Variants in SENP2 observed in about 807,000 individuals in gnomAD.
The protein encoded by SENP2 is SUMO specific peptidase 2.
In SENP2, 16 loss-of-function variants were observed where a neutral mutation model predicts 86.3. The ratio of observed to expected loss-of-function variants is 0.19; its 90% CI spans 0.13 to 0.28. SENP2 has a LOEUF of 0.28. SENP2 is among the 10% of genes least tolerant of loss of function. The probability of loss-of-function intolerance (pLI) is 1.00; values close to 1 mark genes in which losing one functional copy is unlikely to be tolerated. For synonymous variants in SENP2, 222 were observed against 238.7 expected (o/e 0.93, Z 0.64); for missense variants, 552 against 703.0 (o/e 0.79, Z 2.43).
chr3:185,602,824 C>T (rs1357260155), intron 5 of SENP2, among the ~76,000 whole-genome samples: 2 of 104,782 alleles, frequency 1.9e-5, no homozygotes, highest in African/African-American at 8.0e-5. Flanking sequence ...CAGAGTGAGA[C>T]TCTGTCTTAA....
At position 185,626,577 on chromosome 3, in the gene SENP2, A is replaced by C. The variant is rs189512971; in HGVS notation, c.1707+184A>C. On this transcript the variant is annotated intron_variant, in intron 16 of 16. Coordinates refer to ENST00000296257, the MANE Select transcript of SENP2 (RefSeq NM_021627.3). Reference sequence around the variant, plus strand: ...CACCTGAGGTCAGGAGTTCAAGACCAGCCTGGCCAACATGGTGAAACCCCA... The same window carrying C: ...CACCTGAGGTCAGGAGTTCAAGACCCGCCTGGCCAACATGGTGAAACCCCA... 4.5e-3 allele frequency among the ~76,000 whole-genome samples: 679 copies of C among 151,888 alleles called. 5 individuals carry two copies. Among genetic ancestry groups the C allele is most frequent in the African/African-American group, 0.015 (635 of 41,406 alleles).
chr3:185,605,394 C>T (rs1012831073), intron 5 of SENP2, among the ~76,000 whole-genome samples: 2 of 151,904 alleles, frequency 1.3e-5, no homozygotes, highest in Non-Finnish European at 2.9e-5. Flanking sequence ...TAAGGGCATT[C>T]ACTTACATGA....
Position 185,598,458 on chromosome 3 carries a change from C to A in SENP2, c.204C>A (p.Ser68Arg). The change falls in exon 3 of 17, where the codon AGC (serine) becomes AGA (arginine). Residue 68 changes from serine (S) to arginine (R), a missense_variant. By Grantham distance (110) the Ser-to-Arg change is moderately radical. Around this residue, in one of 2 missense-constraint regions of SENP2, gnomAD observed 383 missense variants for 427.3 expected, o/e 0.90. Coordinates refer to ENST00000296257, the MANE Select transcript of SENP2 (RefSeq NM_021627.3). ...AAAACAGTCTCTACAATGCTGCCAG[C>A]TTATTTGGATTCCCATTCCAGCTGA... ...QVKNSLYNAA[S>R]LFGFPFQLTT... 1 of 1,614,092 alleles carries A rather than the reference C, an allele frequency of 6.2e-7. No individual in the cohort carries two copies. Among genetic ancestry groups the A allele is most frequent in the Non-Finnish European group, 8.5e-7 (1 of 1,179,970 alleles).
At position 185,598,402 on chromosome 3, in the gene SENP2, C is replaced by T. The variant is rs1229413345; in HGVS notation, c.158-10C>T. 3 of 1,612,824 alleles carry T rather than the reference C, an allele frequency of 1.9e-6. No individual in the cohort carries two copies. Among genetic ancestry groups the T allele is most frequent in the Admixed American group, 1.7e-5 (1 of 59,996 alleles). ...TTACTTTATATTTACAGTTTGTTGA[C>T]ACTTTCTAGATTGCTTTATTCACCA... On this transcript the variant is annotated splice_polypyrimidine_tract_variant and intron_variant, in intron 2 of 16. Transcript: ENST00000296257.
Position 185,612,646 on chromosome 3 carries a change from G to T in SENP2, c.857G>T (p.Arg286Ile), listed in dbSNP as rs760155252. Residue 286 changes from arginine (R) to isoleucine (I), a missense_variant, in exon 9 of 17, where the codon AGA becomes ATA. Around this residue, in one of 2 missense-constraint regions of SENP2, gnomAD observed 383 missense variants for 427.3 expected, o/e 0.90. Transcript: ENST00000296257. ...ACAAGGGGACCTCTATGTTCATTGA[G>T]AAGTGAAAAGAGGTACGTACATTCA... ...VETRGPLCSL[R>I]SEKRCSKGKI... is the part of the protein sequence containing the mutation. 6.2e-7 allele frequency: 1 copy of T among 1,606,608 alleles called. No homozygotes were observed. Among genetic ancestry groups the T allele is most frequent in the East Asian group, 2.2e-5 (1 of 44,822 alleles).
At chr3:185,617,952 T>C (rs1175050044) in intron 12 of SENP2, among the ~76,000 whole-genome samples, 3 of 152,100 alleles carry the variant, frequency 2.0e-5, no homozygotes. Context: ...TGTTTTTTGG[T>C]TTTGTTTTTG....
intron 13 of SENP2, among the ~76,000 whole-genome samples, chr3:185,621,248 T>G (rs1178205802): frequency 9.9e-6 from 1 of 100,574 alleles, no homozygotes; most frequent in South Asian, 3.1e-4. Context: ...AAAAAAAAAG[T>G]CTCATCACTC....
intron 10 of SENP2, 52 bp from the exon 11 acceptor site, chr3:185,614,512 A>G (rs1280139336): frequency 2.0e-5 from 30 of 1,494,522 alleles, no homozygotes; most frequent in Non-Finnish European, 2.7e-5. Context: ...ATCTGTGTTT[A>G]TATTTGCAAG....
intron 16 of SENP2, 51 bp downstream of exon 16, chr3:185,626,444 C>G (rs760211351): frequency 1.5e-6 from 2 of 1,310,162 alleles, no homozygotes; most frequent in South Asian, 2.4e-5. Flanking sequence ...CAAGATAAGG[C>G]ACTTGGCCAG....
rs957689326 is a variant in SENP2, at chr3:185,633,509, GTTAATT to G, written c.*3669_*3674del. 1 of 152,036 alleles carries G rather than the reference GTTAATT, an allele frequency of 6.6e-6. No homozygotes were observed. Among genetic ancestry groups the G allele is most frequent in the African/African-American group, 2.4e-5 (1 of 41,374 alleles). 9.4% of individuals were successfully genotyped at this position (152,036 alleles called of 1,614,324 possible). A position where few individuals can be genotyped will look rare whatever the true frequency, so the allele number is the denominator to read the frequency against. On this transcript the variant is annotated 3_prime_UTR_variant, in exon 17 of 17. Transcript: ENST00000296257. ...GGGGTTTGGATATATTAAAATAGGT[GTTAATT>G]TTATCTATTTACCAATAAATTCATC...
intron 1 of SENP2, among the ~76,000 whole-genome samples, chr3:185,587,424 C>T (rs531734127): frequency 3.3e-5 from 5 of 152,298 alleles, no homozygotes; most frequent in Admixed American, 1.3e-4. Context: ...TGAGCCACTG[C>T]ACTCAGCCCC....
intron 2 of SENP2, 88 bp downstream of exon 2, chr3:185,590,257 G>C (rs1721932726): frequency 6.1e-6 from 4 of 654,236 alleles, no homozygotes; most frequent in East Asian, 7.4e-5. Context: ...AAAGTATCTG[G>C]TAAAAAGTAA....
chr3:185,616,474 C>CAA (rs771658835), intron 11 of SENP2, among the ~76,000 whole-genome samples: 6 of 85,804 alleles, frequency 7.0e-5, no homozygotes, highest in Admixed American at 1.3e-4. Flanking sequence ...GAATCTGTCT[C>CAA]AAAAAAAAAA....
intron 11 of SENP2, among the ~76,000 whole-genome samples, chr3:185,617,226 G>A (rs1711652954): frequency 6.6e-6 from 1 of 152,122 alleles, no homozygotes; most frequent in African/African-American, 2.4e-5. Context: ...TCAGCACTTT[G>A]GGAGGCCAAG....
At chr3:185,615,594 T>C (rs1477661281) in intron 11 of SENP2, among the ~76,000 whole-genome samples, 1 of 152,150 alleles carries the variant, frequency 6.6e-6, no homozygotes, top group Non-Finnish European at 1.5e-5. Context: ...TCTACCCACC[T>C]CGGCCTCCCA....
chr3:185,616,412 A>G (rs1235457966), intron 11 of SENP2, among the ~76,000 whole-genome samples: 1 of 150,150 alleles, frequency 6.7e-6, no homozygotes, highest in Non-Finnish European at 1.5e-5. Flanking sequence ...CAGAGGTTGC[A>G]GTGAACTGAG....
chr3:185,599,603 A>G (rs1183780739), intron 4 of SENP2, among the ~76,000 whole-genome samples: 2 of 151,910 alleles, frequency 1.3e-5, no homozygotes, highest in Non-Finnish European at 2.9e-5. Context: ...GTTGGGGGGG[A>G]AGGAAGTTAA....
chr3:185,599,465 A>G (rs934774433), intron 4 of SENP2, among the ~76,000 whole-genome samples: 1 of 152,168 alleles, frequency 6.6e-6, no homozygotes, highest in African/African-American at 2.4e-5. Flanking sequence ...TGTCATCCTT[A>G]GATCCTGAAG....
intron 2 of SENP2, among the ~76,000 whole-genome samples, chr3:185,590,882 A>AG (rs1360978509): frequency 1.4e-5 from 2 of 145,754 alleles, no homozygotes; most frequent in African/African-American, 5.0e-5. Flanking sequence ...AAAAAAAAAA[A>AG]AAAAAAAAAG....
Sources: gnomAD v4.1 joint callset for allele counts (sites outside exome capture counted in the v4.1 genomes callset) on GRCh38, gnomAD v4.1.1 for gene constraint, gnomAD v4.1.1 regional missense constraint, MANE v1.5 for transcripts, NCBI Gene and HGNC (gene_info 2026-07-23, HGNC 2026-07-21) for gene names.